TAFA4: variants seen among roughly 807,000 people sequenced by gnomAD.
TAFA4 encodes chemokine-like protein TAFA-4.
Under a neutral mutation model 21.1 loss-of-function variants are expected in TAFA4, and 20 were observed. That is an observed-to-expected ratio of 0.95 (90% CI 0.67 to 1.38). TAFA4 has a LOEUF of 1.38. TAFA4 is among the 40% of genes most tolerant of loss of function. The probability of loss-of-function intolerance (pLI) is 0.00; values close to 1 mark genes in which losing one functional copy is unlikely to be tolerated. For missense variants in TAFA4, 211 were observed against 180.9 expected, an observed-to-expected ratio of 1.17 and a Z score of -0.95; for synonymous variants, 71 against 67.4, an observed-to-expected ratio of 1.05 and a Z score of -0.26.
chr3:68,817,336 C>T (rs1006860308), intron 3 of TAFA4, among the ~76,000 whole-genome samples: 1 of 152,160 alleles, frequency 6.6e-6, no homozygotes, highest in African/African-American at 2.4e-5. Context: ...TTCTAACTCT[C>T]TTGCTATTTC....
chr3:68,733,008 C>CA lies in TAFA4; in HGVS notation c.*133dup. On this transcript the variant is annotated 3_prime_UTR_variant, in exon 6 of 6. Transcript: ENST00000295569. ...GGCCAGTTAAGTGAATGCCACCTCTCACAGCTCACATATACAAATATGAAG... is the reference window on the plus strand; with the variant it reads ...GGCCAGTTAAGTGAATGCCACCTCTCAACAGCTCACATATACAAATATGAAG... The CA allele has an allele frequency of 8.6e-7, 1 of 1,163,596 alleles. No individual in the cohort carries two copies. The highest frequency in any genetic ancestry group is 1.2e-6 in the Non-Finnish European group (1 of 817,392). 72.1% of individuals were successfully genotyped at this position (1,163,596 alleles called of 1,614,324 possible). A position where few individuals can be genotyped will look rare whatever the true frequency, so the allele number is the denominator to read the frequency against.
intron 3 of TAFA4, among the ~76,000 whole-genome samples, chr3:68,809,030 A>T (rs150436995): frequency 6.6e-6 from 1 of 152,244 alleles, no homozygotes; most frequent in South Asian, 2.1e-4. Context: ...AGCAACTCAC[A>T]TGATCAAACA....
At chr3:68,812,076 G>T (rs1161096370) in intron 3 of TAFA4, among the ~76,000 whole-genome samples, 1 of 152,136 alleles carries the variant, frequency 6.6e-6, no homozygotes. Context: ...GCCAAACTAA[G>T]CTTCATAAGT....
chr3:68,836,374 C>T (rs1704523852), intron 3 of TAFA4, among the ~76,000 whole-genome samples: 1 of 152,194 alleles, frequency 6.6e-6, no homozygotes, highest in Non-Finnish European at 1.5e-5. Context: ...CCACAAGTAA[C>T]ATTTATGTCC....
chr3:68,766,928 T>C (rs1702865319), intron 3 of TAFA4, among the ~76,000 whole-genome samples: 1 of 152,202 alleles, frequency 6.6e-6, no homozygotes, highest in Non-Finnish European at 1.5e-5. Context: ...TAACACTGTA[T>C]GCTAAAAACC....
intron 3 of TAFA4, among the ~76,000 whole-genome samples, chr3:68,880,340 AGTTT>A (rs2089601232): frequency 6.6e-6 from 1 of 152,020 alleles, no homozygotes; most frequent in African/African-American, 2.4e-5. Flanking sequence ...TGTAAGTGTT[AGTTT>A]AAGTTTATCA....
At position 68,768,746 on chromosome 3, in the gene TAFA4, A is replaced by C. The variant is rs1575601357; in HGVS notation, c.131-15728T>G. Among the ~76,000 whole-genome samples the C allele has an allele frequency of 2.6e-5, 4 of 152,314 alleles. No homozygotes were observed. The South Asian group carries it at 8.3e-4, about 32-fold the overall frequency. ...AAATATCGTATATATACACAATGGC[A>C]TACTATCGGGTCATTTAAAAAAGTA... On this transcript the variant is annotated intron_variant, in intron 3 of 5. Coordinates refer to ENST00000295569, the MANE Select transcript of TAFA4 (RefSeq NM_182522.5).
intron 3 of TAFA4, among the ~76,000 whole-genome samples, chr3:68,853,449 C>T (rs1394602360): frequency 6.6e-6 from 1 of 152,080 alleles, no homozygotes; most frequent in South Asian, 2.1e-4. Flanking sequence ...TCTCTGCCTA[C>T]TGGTAGAGAC....
chr3:68,846,373 T>A (rs1704794349), intron 3 of TAFA4, among the ~76,000 whole-genome samples: 1 of 152,020 alleles, frequency 6.6e-6, no homozygotes, highest in Admixed American at 6.6e-5. Flanking sequence ...ATCAGGTCAT[T>A]TATGTTCTTC....
chr3:68,869,272 C>T (rs1016126276), intron 3 of TAFA4, among the ~76,000 whole-genome samples: 3 of 151,950 alleles, frequency 2.0e-5, no homozygotes, highest in Admixed American at 1.3e-4. Flanking sequence ...CTGAATTCCA[C>T]CAAATATTTA....
chr3:68,930,921 T>A (rs1559567196), intron 1 of TAFA4, among the ~76,000 whole-genome samples: 1 of 152,170 alleles, frequency 6.6e-6, no homozygotes, highest in Non-Finnish European at 1.5e-5. Flanking sequence ...TTTTAGCCTT[T>A]AAAAAAATCC....
intron 3 of TAFA4, among the ~76,000 whole-genome samples, chr3:68,761,308 C>T (rs1434260754): frequency 1.3e-5 from 2 of 151,902 alleles, no homozygotes; most frequent in East Asian, 3.9e-4. Flanking sequence ...CTTTGACAAG[C>T]ACATGCTAAT....
intron 3 of TAFA4, among the ~76,000 whole-genome samples, chr3:68,769,811 A>T (rs139787649): frequency 7.2e-5 from 11 of 152,324 alleles, no homozygotes; most frequent in African/African-American, 2.6e-4. Context: ...ACCATCTCTT[A>T]GGCTGTAAGC....
chr3:68,916,440 T>C (rs1433239666), intron 1 of TAFA4, among the ~76,000 whole-genome samples: 2 of 152,158 alleles, frequency 1.3e-5, no homozygotes, highest in Non-Finnish European at 2.9e-5. Context: ...AAATCCGTTG[T>C]GTGGTTTCCT....
At chr3:68,838,111 C>A (rs920889491) in intron 3 of TAFA4, among the ~76,000 whole-genome samples, 1 of 152,042 alleles carries the variant, frequency 6.6e-6, no homozygotes, top group Non-Finnish European at 1.5e-5. Context: ...ATAGTCACAA[C>A]TATGTTGTAT....
intron 3 of TAFA4, among the ~76,000 whole-genome samples, chr3:68,779,849 G>A (rs547400792): frequency 4.6e-5 from 7 of 152,166 alleles, no homozygotes; most frequent in Admixed American, 3.3e-4. Flanking sequence ...GTGGAGCTAT[G>A]AGAAGAGGAC....
chr3:68,919,272 A>G (rs919173375), intron 1 of TAFA4, among the ~76,000 whole-genome samples: 4 of 152,204 alleles, frequency 2.6e-5, no homozygotes, highest in Admixed American at 2.6e-4. Context: ...CAGCTCCAGC[A>G]GGCAGCCCCC....
intron 3 of TAFA4, among the ~76,000 whole-genome samples, chr3:68,786,949 G>T (rs951456718): frequency 2.6e-5 from 4 of 152,064 alleles, no homozygotes; most frequent in Admixed American, 2.0e-4. Context: ...TGCCTTTAAG[G>T]ACAGAGGAGA....
At chr3:68,777,503 T>G (rs929462204) in intron 3 of TAFA4, among the ~76,000 whole-genome samples, 12 of 152,084 alleles carry the variant, frequency 7.9e-5, no homozygotes, top group Admixed American at 7.2e-4. Flanking sequence ...AAATTTAAAT[T>G]TAAGCAGCTA....
Sources: allele counts gnomAD v4.1 joint callset (sites outside exome capture counted in the v4.1 genomes callset), GRCh38; gene constraint gnomAD v4.1.1; transcripts MANE v1.5; gene names NCBI Gene and HGNC (gene_info 2026-07-23, HGNC 2026-07-21).